PPTC7: variants seen among roughly 807,000 people sequenced by gnomAD.
PPTC7 encodes protein phosphatase targeting COQ7.
Under a neutral mutation model 30.8 loss-of-function variants are expected in PPTC7, and 6 were observed. The observed-to-expected ratio is 0.19, with a 90% CI of 0.11 to 0.38. The LOEUF (loss-of-function observed/expected upper bound fraction) is 0.38, where lower values mean the gene tolerates loss of function less well. Ranked by LOEUF, PPTC7 falls within the 10% of genes least tolerant of loss-of-function variation. The pLI, the probability that PPTC7 is intolerant of heterozygous loss-of-function variation, is 1.00. For synonymous variants in PPTC7, 163 were observed against 168.1 expected, an observed-to-expected ratio of 0.97 and a Z score of 0.23; for missense variants, 218 against 404.8, an observed-to-expected ratio of 0.54 and a Z score of 3.96.
intron 1 of PPTC7, among the ~76,000 whole-genome samples, chr12:110,575,819 A>G (rs1400039684): frequency 6.6e-6 from 1 of 152,180 alleles, no homozygotes; most frequent in Non-Finnish European, 1.5e-5. Context: ...ACTAAGCTAG[A>G]AAATCTCAAA....
At chr12:110,572,546 G>A (rs774269806) in intron 1 of PPTC7, among the ~76,000 whole-genome samples, 3 of 152,232 alleles carry the variant, frequency 2.0e-5, no homozygotes, top group Non-Finnish European at 4.4e-5. Context: ...TACGAGAACA[G>A]TGCAAACGTG....
At chr12:110,580,155 G>T (rs1425512568) in intron 1 of PPTC7, among the ~76,000 whole-genome samples, 1 of 152,162 alleles carries the variant, frequency 6.6e-6, no homozygotes, top group African/African-American at 2.4e-5. Context: ...ACTCAAGAGA[G>T]ACTCTGCCCA....
chr12:110,552,590 C>T (rs542811534), intron 1 of PPTC7, among the ~76,000 whole-genome samples: 1 of 152,220 alleles, frequency 6.6e-6, no homozygotes, highest in South Asian at 2.1e-4. Flanking sequence ...GTGGGCCGGG[C>T]GCGGTGGCTC....
chr12:110,556,422 T>C (rs79014998), intron 1 of PPTC7, among the ~76,000 whole-genome samples: 2,774 of 152,310 alleles, frequency 0.018, 102 homozygotes, highest in African/African-American at 0.063. Flanking sequence ...TACACGTACA[T>C]ATGAAACCTA....
intron 1 of PPTC7, among the ~76,000 whole-genome samples, chr12:110,557,867 TGGCAGCA>T (rs2135778663): frequency 6.6e-6 from 1 of 152,250 alleles, no homozygotes; most frequent in Non-Finnish European, 1.5e-5. Context: ...CTTCTTCACA[TGGCAGCA>T]GGAGAGAGAA....
At chr12:110,579,945 G>A (rs1438816886) in intron 1 of PPTC7, among the ~76,000 whole-genome samples, 1 of 151,884 alleles carries the variant, frequency 6.6e-6, no homozygotes, top group Non-Finnish European at 1.5e-5. Flanking sequence ...CCCGGGAGGC[G>A]GAGGTTGCAG....
intron 1 of PPTC7, among the ~76,000 whole-genome samples, chr12:110,556,378 G>A (rs1334951193): frequency 6.6e-6 from 1 of 152,202 alleles, no homozygotes; most frequent in South Asian, 2.1e-4. Flanking sequence ...GTTGTATTTG[G>A]GATGAGAATC....
At position 110,536,034 on chromosome 12, in the gene PPTC7, C is replaced by G. The variant is rs912712635; in HGVS notation, c.*1003G>C. On this transcript the variant is annotated 3_prime_UTR_variant, in exon 6 of 6. Transcript: ENST00000354300. ...GGACTCACTGGATTTGGTGCATGCTCTATAGAAAGCAAGGCTACTAATAAA... is the reference window on the plus strand; with the variant it reads ...GGACTCACTGGATTTGGTGCATGCTGTATAGAAAGCAAGGCTACTAATAAA... 2.6e-5 allele frequency: 4 copies of G among 152,432 alleles called. No homozygotes were observed. In the East Asian group the frequency reaches 7.7e-4, roughly 29 times the overall value. 9.4% of individuals were successfully genotyped at this position (152,432 alleles called of 1,614,324 possible). A position where few individuals can be genotyped will look rare whatever the true frequency, so the allele number is the denominator to read the frequency against.
chr12:110,571,158 CTAAAAG>C (rs1237271294), intron 1 of PPTC7, among the ~76,000 whole-genome samples: 1 of 151,994 alleles, frequency 6.6e-6, no homozygotes, highest in African/African-American at 2.4e-5. Flanking sequence ...ATGGGGCAAA[CTAAAAG>C]TAAAATTAAA....
Position 110,540,321 on chromosome 12 carries a change from C to CCCTT in PPTC7, c.603-377_603-376insAAGG, listed in dbSNP as rs377082561. Among the ~76,000 whole-genome samples, 70 of 105,002 alleles carry CCCTT rather than the reference C, an allele frequency of 6.7e-4. 1 individual carries two copies. Among genetic ancestry groups the CCCTT allele is most frequent in the Non-Finnish European group, 8.6e-4 (47 of 54,756 alleles). 68.9% of individuals were successfully genotyped at this position (105,002 alleles called of 152,430 possible). A position where few individuals can be genotyped will look rare whatever the true frequency, so the allele number is the denominator to read the frequency against. ...ACAGCCGAATTCCATCCCCCCCCGC[C>CCCTT]TTTTTTTTTTTTTTTTTTGGAGACA... On this transcript the variant is annotated intron_variant, in intron 3 of 5. Coordinates refer to ENST00000354300, the MANE Select transcript of PPTC7 (RefSeq NM_139283.2).
intron 4 of PPTC7, 69 bp downstream of exon 4, chr12:110,539,753 C>T (rs2064242772): frequency 2.1e-6 from 3 of 1,443,934 alleles, no homozygotes; most frequent in African/African-American, 2.9e-5. Flanking sequence ...GATAATGCAA[C>T]TGAATCCATA....
intron 1 of PPTC7, among the ~76,000 whole-genome samples, chr12:110,581,848 A>G (rs1269515532): frequency 6.6e-6 from 1 of 152,266 alleles, no homozygotes; most frequent in Non-Finnish European, 1.5e-5. Flanking sequence ...AATCAAAGTG[A>G]CATTTGAACC....
chr12:110,579,413 T>C (rs947433541), intron 1 of PPTC7, among the ~76,000 whole-genome samples: 1 of 152,150 alleles, frequency 6.6e-6, no homozygotes, highest in African/African-American at 2.4e-5. Flanking sequence ...TTTGGTCACA[T>C]CAGCTACCAG....
chr12:110,578,734 A>G (rs2064610195), intron 1 of PPTC7, among the ~76,000 whole-genome samples: 1 of 152,252 alleles, frequency 6.6e-6, no homozygotes, highest in Non-Finnish European at 1.5e-5. Context: ...CTACAGAACC[A>G]AAAGGTTCAA....
At chr12:110,566,983 G>C (rs1478996753) in intron 1 of PPTC7, among the ~76,000 whole-genome samples, 1 of 152,208 alleles carries the variant, frequency 6.6e-6, no homozygotes, top group African/African-American at 2.4e-5. Flanking sequence ...GCTGCCTCCT[G>C]TGTCAGGATT....
At chr12:110,565,974 C>G (rs2064479694) in intron 1 of PPTC7, among the ~76,000 whole-genome samples, 1 of 152,200 alleles carries the variant, frequency 6.6e-6, no homozygotes, top group South Asian at 2.1e-4. Context: ...GGAGAGGAGG[C>G]TGACAAGACA....
intron 3 of PPTC7, among the ~76,000 whole-genome samples, chr12:110,541,681 C>T (rs1352351205): frequency 8.0e-6 from 1 of 124,454 alleles, no homozygotes; most frequent in Admixed American, 1.0e-4. Context: ...GCTAGGGCAA[C>T]GAGAGCTAAA....
intron 1 of PPTC7, among the ~76,000 whole-genome samples, chr12:110,564,772 A>C (rs1316639544): frequency 7.2e-6 from 1 of 139,262 alleles, no homozygotes; most frequent in Admixed American, 6.9e-5. Flanking sequence ...ATATACACGT[A>C]TATATATACA....
chr12:110,547,830 C>T (rs1181597687), intron 2 of PPTC7, among the ~76,000 whole-genome samples: 1 of 152,096 alleles, frequency 6.6e-6, no homozygotes, highest in Non-Finnish European at 1.5e-5. Context: ...ATAGTTCAGG[C>T]GTGGTGGGTC....
Sources: allele counts gnomAD v4.1 joint callset (sites outside exome capture counted in the v4.1 genomes callset), GRCh38; gene constraint gnomAD v4.1.1; transcripts MANE v1.5; gene names NCBI Gene and HGNC (gene_info 2026-07-23, HGNC 2026-07-21).